The following NAALADL2 variants were observed in gnomAD, a reference collection of about 807,000 sequenced individuals.
NAALADL2 encodes the protein inactive N-acetylated-alpha-linked acidic dipeptidase-like protein 2.
Under a neutral mutation model 87.2 loss-of-function variants are expected in NAALADL2, and 76 were observed. The observed-to-expected ratio is 0.87, with a 90% CI of 0.72 to 1.05. NAALADL2 has a LOEUF of 1.05. Ranked by LOEUF, NAALADL2 falls within the 50% of genes least tolerant of loss-of-function variation. The probability of loss-of-function intolerance (pLI) is 0.00; values close to 1 mark genes in which losing one functional copy is unlikely to be tolerated. For missense variants in NAALADL2, 1,089 were observed against 945.8 expected, an observed-to-expected ratio of 1.15 and a Z score of -1.99; for synonymous variants, 354 against 331.0, an observed-to-expected ratio of 1.07 and a Z score of -0.75.
chr3:175,690,089 CTATA>C (rs1259525904), intron 11 of NAALADL2, among the ~76,000 whole-genome samples: 1 of 151,984 alleles, frequency 6.6e-6, no homozygotes, highest in Non-Finnish European at 1.5e-5. Context: ...GATATATTGA[CTATA>C]TAAATATATA....
At chr3:175,192,968 G>T in intron 2 of NAALADL2, among the ~76,000 whole-genome samples, 1 of 150,632 alleles carries the variant, frequency 6.6e-6, no homozygotes, top group Non-Finnish European at 1.5e-5. Flanking sequence ...TTTTTTTTCA[G>T]ATACAAAATG....
rs182416652 is a variant in NAALADL2 at position 174,625,247 on chromosome 3, G to A, written c.-115+74610G>A. Among the ~76,000 whole-genome samples the A allele has an allele frequency of 6.6e-5, 10 of 151,918 alleles. No homozygotes were observed. In the East Asian group the frequency reaches 1.9e-3, roughly 29 times the overall value. ...CTAATTTTGGTATTTTAGTAGAGAT[G>A]AGGTTTCACCATGTTGGCCAGGCTG... On this transcript the variant is annotated intron_variant, in intron 2 of 3. Transcript: ENST00000434257.
chr3:174,530,191 C>G (rs1019996310), intron 1 of NAALADL2, among the ~76,000 whole-genome samples: 1 of 152,170 alleles, frequency 6.6e-6, no homozygotes, highest in Non-Finnish European at 1.5e-5. Flanking sequence ...TAAATTATCT[C>G]TCTCAAGTTC....
At chr3:175,377,259 C>T (rs1036157233) in intron 5 of NAALADL2, among the ~76,000 whole-genome samples, 1 of 152,106 alleles carries the variant, frequency 6.6e-6, no homozygotes, top group African/African-American at 2.4e-5. Flanking sequence ...ATGCAGTGAG[C>T]TAAGATCGTG....
intron 1 of NAALADL2, among the ~76,000 whole-genome samples, chr3:174,900,580 A>G (rs557013766): frequency 6.6e-6 from 1 of 151,972 alleles, no homozygotes; most frequent in African/African-American, 2.4e-5. Flanking sequence ...AAAAAATTCT[A>G]ATTCATAAAT....
intron 3 of NAALADL2, among the ~76,000 whole-genome samples, chr3:174,844,159 G>A (rs3905970): frequency 0.3 from 46,245 of 151,946 alleles, 7,259 homozygotes; most frequent in East Asian, 0.48. Flanking sequence ...GGTCTTACAT[G>A]TATGTATGTA....
At chr3:174,689,067 T>A (rs1257777086) in intron 2 of NAALADL2, among the ~76,000 whole-genome samples, 1 of 152,058 alleles carries the variant, frequency 6.6e-6, no homozygotes, top group Non-Finnish European at 1.5e-5. Context: ...ATATGAGAAC[T>A]CTTTATATAT....
chr3:174,680,465 T>G (rs1727433458), intron 2 of NAALADL2, among the ~76,000 whole-genome samples: 1 of 152,226 alleles, frequency 6.6e-6, no homozygotes, highest in African/African-American at 2.4e-5. Flanking sequence ...ATGGCACTAC[T>G]TTAAGTATCT....
At chr3:175,218,672 T>C (rs1742899856) in intron 2 of NAALADL2, among the ~76,000 whole-genome samples, 1 of 152,174 alleles carries the variant, frequency 6.6e-6, no homozygotes, top group South Asian at 2.1e-4. Context: ...ATTAAATATG[T>C]GCTTTATTTT....
rs1712949775 is a variant in NAALADL2 at position 174,557,276 on chromosome 3, A to G, written c.-115+6639A>G. Among the ~76,000 whole-genome samples, 5 of 152,180 alleles carry G rather than the reference A, an allele frequency of 3.3e-5. No homozygotes were observed. In the South Asian group the frequency reaches 1.0e-3, roughly 31 times the overall value. On this transcript the variant is annotated intron_variant, in intron 2 of 3. Coordinates refer to the NAALADL2 transcript ENST00000434257. The stretch of plus-strand genomic sequence containing the variant: ...TACATGCCACAAAAACCTTGACTTA[A>G]AAAAATACAACTTTATTTTTAAACT...
chr3:175,733,366 A>G (rs1050165331), intron 11 of NAALADL2, among the ~76,000 whole-genome samples: 2 of 152,148 alleles, frequency 1.3e-5, no homozygotes, highest in South Asian at 2.1e-4. Context: ...TGGTGGCAGG[A>G]AAAGAGCTTG....
intron 2 of NAALADL2, among the ~76,000 whole-genome samples, chr3:175,158,275 A>G (rs1732618354): frequency 6.6e-6 from 1 of 152,030 alleles, no homozygotes; most frequent in South Asian, 2.1e-4. Context: ...TGGCGATCAG[A>G]GAGACCATTT....
chr3:175,276,718 C>A (rs961086679), intron 4 of NAALADL2, among the ~76,000 whole-genome samples: 2 of 152,068 alleles, frequency 1.3e-5, no homozygotes, highest in East Asian at 3.9e-4. Context: ...ATACTACTAC[C>A]TTTATAATTG....
chr3:174,895,807 C>A (rs34856718), intron 1 of NAALADL2, among the ~76,000 whole-genome samples: 8,610 of 152,124 alleles, frequency 0.057, 306 homozygotes, highest in Middle Eastern at 0.1. Flanking sequence ...CAAGAAAATA[C>A]AACCTGAATT....
intron 1 of NAALADL2, among the ~76,000 whole-genome samples, chr3:174,873,530 G>A (rs1307639984): frequency 3.3e-5 from 5 of 152,146 alleles, no homozygotes; most frequent in Admixed American, 1.3e-4. Context: ...TGGGATTACA[G>A]ACATGAGCCA....
At chr3:175,728,399 G>T (rs74370257) in intron 11 of NAALADL2, among the ~76,000 whole-genome samples, 6,565 of 152,120 alleles carry the variant, frequency 0.043, 176 homozygotes, top group South Asian at 0.11. Flanking sequence ...TTCTAATTTT[G>T]GGGGGAAATA....
intron 1 of NAALADL2, among the ~76,000 whole-genome samples, chr3:174,957,259 C>T (rs1347622393): frequency 1.3e-5 from 2 of 151,908 alleles, no homozygotes; most frequent in Non-Finnish European, 2.9e-5. Flanking sequence ...TTTTTCTCAC[C>T]TCCCTACTGC....
At chr3:175,284,719 T>C (rs1754772214) in intron 4 of NAALADL2, among the ~76,000 whole-genome samples, 1 of 152,060 alleles carries the variant, frequency 6.6e-6, no homozygotes, top group Non-Finnish European at 1.5e-5. Context: ...ATTACATAAC[T>C]AAATTAAAAT....
chr3:175,643,936 T>C (rs1041821787), intron 11 of NAALADL2, among the ~76,000 whole-genome samples: 1 of 152,156 alleles, frequency 6.6e-6, no homozygotes, highest in Non-Finnish European at 1.5e-5. Context: ...TTCCTTGATA[T>C]GATCCTCTGC....
Sources: allele counts gnomAD v4.1 joint callset (sites outside exome capture counted in the v4.1 genomes callset), GRCh38; gene constraint gnomAD v4.1.1; transcripts MANE v1.5; gene names NCBI Gene and HGNC (gene_info 2026-07-23, HGNC 2026-07-21).